NEGR1: variants seen among roughly 807,000 people sequenced by gnomAD.
NEGR1 encodes the protein neuronal growth regulator 1, also known as IgLON family member 4.
NEGR1 carries 10 observed loss-of-function variants against 40.9 expected under a neutral mutation model. The observed-to-expected ratio is 0.24, with a 90% CI of 0.15 to 0.42. The LOEUF is 0.42. Among genes scored for constraint, NEGR1 ranks in the 10% least tolerant of loss-of-function variants. NEGR1 has a pLI of 1.00. For missense variants in NEGR1, 352 were observed against 438.9 expected (o/e 0.80, Z 1.77); for synonymous variants, 185 against 166.8 (o/e 1.11, Z -0.84).
chr1:71,416,556 C>T (rs925427933), intron 6 of NEGR1, among the ~76,000 whole-genome samples: 1 of 152,128 alleles, frequency 6.6e-6, no homozygotes, highest in South Asian at 2.1e-4. Context: ...AATTGTTCCA[C>T]TTGTTACACT....
At chr1:71,697,949 T>C (rs1653540581) in intron 4 of NEGR1, 59 bp downstream of exon 4, 1 of 1,526,244 alleles carries the variant, frequency 6.6e-7, no homozygotes. Flanking sequence ...CAGTCAGAAT[T>C]TTTCAAGGTG....
chr1:72,209,430 T>G (rs1220474745), intron 1 of NEGR1, among the ~76,000 whole-genome samples: 1 of 151,670 alleles, frequency 6.6e-6, no homozygotes, highest in Non-Finnish European at 1.5e-5. Context: ...ATTTCTCTCT[T>G]CCTTCCAATA....
At chr1:72,205,796 G>T (rs976372368) in intron 1 of NEGR1, among the ~76,000 whole-genome samples, 8 of 141,996 alleles carry the variant, frequency 5.6e-5, no homozygotes, top group East Asian at 2.1e-4. Context: ...ACAAAAATTA[G>T]TCAGGCATGG....
chr1:71,784,536 C>A (rs915228139), intron 2 of NEGR1, among the ~76,000 whole-genome samples: 1 of 152,146 alleles, frequency 6.6e-6, no homozygotes, highest in Non-Finnish European at 1.5e-5. Context: ...ATTTTACCAT[C>A]GTGTTCTTTT....
intron 6 of NEGR1, among the ~76,000 whole-genome samples, chr1:71,410,262 T>C (rs1189964735): frequency 1.3e-5 from 2 of 152,050 alleles, no homozygotes; most frequent in Admixed American, 1.3e-4. Context: ...GGAGTAATCG[T>C]GAATAATCAG....
rs140514497 is a variant in NEGR1, at chr1:71,703,012, A to T, written c.536-4873T>A. Among the ~76,000 whole-genome samples, 104 of 152,014 alleles carry T rather than the reference A, an allele frequency of 6.8e-4. 1 individual carries two copies. In the East Asian group the frequency reaches 0.019, roughly 28 times the overall value. Reference sequence around the variant, plus strand: ...TAGACAAAAAGCTACAGAAATCTACATGTGTTTTCTTGTCGTTGCTGAGTA... The same window carrying T: ...TAGACAAAAAGCTACAGAAATCTACTTGTGTTTTCTTGTCGTTGCTGAGTA... On this transcript the variant is annotated intron_variant, in intron 3 of 6. Coordinates refer to ENST00000357731, the MANE Select transcript of NEGR1 (RefSeq NM_173808.3).
chr1:72,264,918 T>C (rs1655591080), intron 1 of NEGR1, among the ~76,000 whole-genome samples: 1 of 150,772 alleles, frequency 6.6e-6, no homozygotes, highest in Admixed American at 6.6e-5. Flanking sequence ...CAATAAATTA[T>C]TTTATTTATG....
intron 6 of NEGR1, among the ~76,000 whole-genome samples, chr1:71,521,459 C>T (rs1472244232): frequency 6.6e-6 from 1 of 151,946 alleles, no homozygotes; most frequent in Non-Finnish European, 1.5e-5. Context: ...TTGAGACATG[C>T]CTGAAGCCCT....
intron 3 of NEGR1, among the ~76,000 whole-genome samples, chr1:71,746,757 CGT>C (rs1655398605): frequency 6.7e-6 from 1 of 149,198 alleles, no homozygotes; most frequent in East Asian, 2.0e-4. Context: ...CACACACACG[CGT>C]ACACACACAC....
chr1:71,550,419 A>G (rs145983615), intron 6 of NEGR1, among the ~76,000 whole-genome samples: 1 of 151,504 alleles, frequency 6.6e-6, no homozygotes, highest in African/African-American at 2.4e-5. Context: ...TTCCTAACTC[A>G]CACTTGCTCC....
intron 1 of NEGR1, among the ~76,000 whole-genome samples, chr1:72,231,625 A>G (rs1018588325): frequency 1.1e-4 from 17 of 152,110 alleles, no homozygotes; most frequent in African/African-American, 3.4e-4. Flanking sequence ...TTTTTCCCCA[A>G]TGACTTTGTA....
chr1:71,599,523 C>T (rs571198038), intron 5 of NEGR1, among the ~76,000 whole-genome samples: 1 of 152,246 alleles, frequency 6.6e-6, no homozygotes, highest in African/African-American at 2.4e-5. Context: ...CTATGGCAAC[C>T]TACTGGTTTA....
At chr1:71,727,920 A>G (rs934717966) in intron 3 of NEGR1, among the ~76,000 whole-genome samples, 4 of 152,162 alleles carry the variant, frequency 2.6e-5, no homozygotes, top group African/African-American at 9.6e-5. Context: ...ATGAAAAGTT[A>G]GGAAGCAACT....
chr1:71,940,404 T>C (rs1290646273), intron 1 of NEGR1, among the ~76,000 whole-genome samples: 2 of 152,190 alleles, frequency 1.3e-5, no homozygotes, highest in East Asian at 1.9e-4. Context: ...GTTGACACTA[T>C]ACCAAATATC....
intron 1 of NEGR1, among the ~76,000 whole-genome samples, chr1:72,045,088 A>G (rs1646989141): frequency 6.6e-6 from 1 of 151,826 alleles, no homozygotes; most frequent in Admixed American, 6.6e-5. Context: ...TCTTGTCTAT[A>G]TAATTTTGAC....
intron 1 of NEGR1, among the ~76,000 whole-genome samples, chr1:72,052,585 A>C (rs1421216237): frequency 6.6e-6 from 1 of 151,482 alleles, no homozygotes; most frequent in Admixed American, 6.6e-5. Context: ...ACCACATTTC[A>C]CAAAAATGCA....
At chr1:72,088,796 C>CTTTTTTTTTTTT (rs71074816) in intron 1 of NEGR1, among the ~76,000 whole-genome samples, 10 of 74,920 alleles carry the variant, frequency 1.3e-4, no homozygotes, top group African/African-American at 4.7e-4. Flanking sequence ...CTCTCTCTCT[C>CTTTTTTTTTTTT]TTTTTTTTTT....
At chr1:71,894,449 C>CA (rs1287719227) in intron 2 of NEGR1, among the ~76,000 whole-genome samples, 1 of 152,048 alleles carries the variant, frequency 6.6e-6, no homozygotes, top group Non-Finnish European at 1.5e-5. Context: ...AGTTACTAGG[C>CA]AAAAAGCACT....
intron 6 of NEGR1, among the ~76,000 whole-genome samples, chr1:71,569,211 C>T (rs910683467): frequency 6.6e-6 from 1 of 152,052 alleles, no homozygotes; most frequent in Non-Finnish European, 1.5e-5. Flanking sequence ...CCACTGTACC[C>T]GGCCAGCAAG....
Sources: allele counts gnomAD v4.1 joint callset (sites outside exome capture counted in the v4.1 genomes callset), GRCh38; gene constraint gnomAD v4.1.1; transcripts MANE v1.5; gene names NCBI Gene and HGNC (gene_info 2026-07-23, HGNC 2026-07-21).